The following TBC1D14 variants were observed in gnomAD, a reference collection of about 807,000 sequenced individuals.
TBC1D14 encodes TBC1 domain family, member 14.
TBC1D14 carries 26 observed loss-of-function variants against 79.0 expected under a neutral mutation model. The ratio of observed to expected loss-of-function variants is 0.33; its 90% CI spans 0.24 to 0.46. The LOEUF (loss-of-function observed/expected upper bound fraction) is 0.46. TBC1D14 is among the 20% of genes least tolerant of loss of function. TBC1D14 has a pLI of 1.00. For missense variants in TBC1D14, 769 were observed against 887.6 expected (o/e 0.87, Z 1.70); for synonymous variants, 394 against 349.9 (o/e 1.13, Z -1.40).
chr4:7,007,499 G>A (rs1407731990), intron 9 of TBC1D14: 32 of 1,281,392 alleles, frequency 2.5e-5, no homozygotes, highest in Non-Finnish European at 3.3e-5. Context: ...CCTGTCCCTT[G>A]TCTGTTCTCA....
intron 4 of TBC1D14, 57 bp downstream of exon 4, chr4:6,994,359 C>A (rs1386954946): frequency 4.0e-6 from 6 of 1,505,086 alleles, no homozygotes; most frequent in Non-Finnish European, 2.8e-6. Context: ...GTACAACTTG[C>A]TAAGCAGCTT....
intron 3 of TBC1D14, among the ~76,000 whole-genome samples, chr4:6,990,984 G>A (rs1718431923): frequency 1.3e-5 from 2 of 152,226 alleles, no homozygotes; most frequent in Non-Finnish European, 2.9e-5. Flanking sequence ...GGCCTGGACA[G>A]TGAGCTTACT....
At chr4:6,910,089 G>C (rs1722848299) in intron 1 of TBC1D14, 138 bp downstream of exon 1, 1 of 149,644 alleles carries the variant, frequency 6.7e-6, no homozygotes, top group Admixed American at 6.7e-5. Context: ...GGTCCTGCTG[G>C]GTGTCCCTCG....
intron 2 of TBC1D14, among the ~76,000 whole-genome samples, chr4:6,935,529 C>T (rs193215973): frequency 1.3e-5 from 2 of 151,950 alleles, no homozygotes; most frequent in Non-Finnish European, 2.9e-5. Flanking sequence ...CTCTCCCTCT[C>T]CTTCCCTCTA....
At chr4:7,024,970 C>T in intron 12 of TBC1D14, 34 bp from the exon 13 acceptor site, 1 of 1,609,170 alleles carries the variant, frequency 6.2e-7, no homozygotes, top group South Asian at 1.1e-5. Flanking sequence ...AGGAGAGATT[C>T]AAAATCTGAA....
intron 5 of TBC1D14, among the ~76,000 whole-genome samples, chr4:6,997,885 T>C (rs1719228652): frequency 6.6e-6 from 1 of 152,112 alleles, no homozygotes; most frequent in African/African-American, 2.4e-5. Context: ...AGGAAGTTAG[T>C]ATTTAATGGG....
At chr4:6,989,601 T>G (rs1362269918) in intron 3 of TBC1D14, among the ~76,000 whole-genome samples, 3 of 152,214 alleles carry the variant, frequency 2.0e-5, no homozygotes, top group East Asian at 3.9e-4. Context: ...TGGGAGCCTC[T>G]GCCTGCATCG....
chr4:7,006,584 A>C (rs1438426106), intron 8 of TBC1D14, 48 bp from the exon 9 acceptor site: 1 of 1,546,462 alleles, frequency 6.5e-7, no homozygotes, highest in South Asian at 1.1e-5. Context: ...TAATTGTCCT[A>C]CATTCGTGCC....
intron 2 of TBC1D14, among the ~76,000 whole-genome samples, chr4:6,958,696 A>T (rs1367283643): frequency 6.6e-6 from 1 of 152,154 alleles, no homozygotes; most frequent in East Asian, 1.9e-4. Flanking sequence ...TGGCCTACCA[A>T]AGTGCTGGGA....
At chr4:6,999,275 C>A in intron 6 of TBC1D14, 73 bp downstream of exon 6, 3 of 1,340,136 alleles carry the variant, frequency 2.2e-6, no homozygotes, top group Non-Finnish European at 3.2e-6. Flanking sequence ...CAGCTGTAGT[C>A]GTCATAGCCA....
chr4:6,967,606 C>G (rs1715817283), intron 3 of TBC1D14, among the ~76,000 whole-genome samples, 182 bp downstream of exon 3: 1 of 152,222 alleles, frequency 6.6e-6, no homozygotes, highest in Non-Finnish European at 1.5e-5. Context: ...TCATTTCTTA[C>G]AGCTTGTAAC....
At chr4:6,975,389 T>C (rs1340922036) in intron 3 of TBC1D14, among the ~76,000 whole-genome samples, 1 of 152,074 alleles carries the variant, frequency 6.6e-6, no homozygotes, top group Non-Finnish European at 1.5e-5. Flanking sequence ...TGTATATTTT[T>C]TGTAGAGACA....
intron 13 of TBC1D14, among the ~76,000 whole-genome samples, chr4:7,027,189 CA>C (rs1333707378): frequency 6.6e-6 from 1 of 151,886 alleles, no homozygotes; most frequent in Non-Finnish European, 1.5e-5. Context: ...CCAGCCTGGG[CA>C]ATAGAGTGAG....
chr4:6,920,751 G>A (rs1723785392), intron 1 of TBC1D14, among the ~76,000 whole-genome samples: 1 of 152,122 alleles, frequency 6.6e-6, no homozygotes, highest in Non-Finnish European at 1.5e-5. Flanking sequence ...TTGTTCTCTT[G>A]TATGGACCAG....
intron 2 of TBC1D14, among the ~76,000 whole-genome samples, chr4:6,957,907 A>T (rs1201051938): frequency 6.6e-6 from 1 of 151,244 alleles, no homozygotes; most frequent in Admixed American, 6.6e-5. Flanking sequence ...TCAGGAAAAA[A>T]TAAATAAATA....
chr4:6,988,352 A>G (rs1373324471), intron 3 of TBC1D14, among the ~76,000 whole-genome samples: 2 of 152,240 alleles, frequency 1.3e-5, no homozygotes, highest in East Asian at 3.8e-4. Context: ...TTGGCTCTGC[A>G]GCTTATGCTG....
chr4:6,931,565 T>C (rs982477800), intron 2 of TBC1D14, among the ~76,000 whole-genome samples: 7 of 152,212 alleles, frequency 4.6e-5, no homozygotes, highest in Non-Finnish European at 8.8e-5. Flanking sequence ...GTCTGGTTAC[T>C]ACTGCAGATG....
rs146051535 is a variant in TBC1D14, at chr4:6,960,816, C to T, written c.723-6488C>T. Among the ~76,000 whole-genome samples, 498 of 152,282 alleles carry T rather than the reference C, an allele frequency of 3.3e-3. 1 individual carries two copies. The highest frequency in any genetic ancestry group is 0.011 in the African/African-American group (469 of 41,558). On this transcript the variant is annotated intron_variant, in intron 2 of 13. Coordinates refer to ENST00000409757, the MANE Select transcript of TBC1D14 (RefSeq NM_020773.3). ...CCCCGCTGCGTCTCTTCAGATGTTG[C>T]CCTTCCAGCCTAATCGGGTGCACTG...
chr4:6,928,335 GCCTGTGTCTGGTTCAC>G (rs1188429183), intron 2 of TBC1D14, among the ~76,000 whole-genome samples: 8 of 152,204 alleles, frequency 5.3e-5, no homozygotes, highest in Admixed American at 5.2e-4. Context: ...TGGGGGCAGA[GCCTGTGTCTGGTTCAC>G]CCTGGCACCA....
Sources: allele counts gnomAD v4.1 joint callset (sites outside exome capture counted in the v4.1 genomes callset), GRCh38; gene constraint gnomAD v4.1.1; transcripts MANE v1.5; gene names NCBI Gene and HGNC (gene_info 2026-07-23, HGNC 2026-07-21).